The following NOX4 variants were observed in gnomAD, a reference collection of about 807,000 sequenced individuals.
NOX4 encodes kidney oxidase-1.
In NOX4, 69 loss-of-function variants were observed where a neutral mutation model predicts 87.6. The observed-to-expected ratio is 0.79, with a 90% confidence interval of 0.65 to 0.96. The LOEUF is 0.96. NOX4 is among the 40% of genes least tolerant of loss of function. The pLI, the probability that NOX4 is intolerant of heterozygous loss-of-function variation, is 0.00. For missense variants in NOX4, 680 were observed against 681.5 expected (o/e 1.00, Z 0.02); for synonymous variants, 275 against 238.2 (o/e 1.15, Z -1.42).
At chr11:89,377,254 A>G (rs1415217111) in intron 11 of NOX4, among the ~76,000 whole-genome samples, 1 of 152,208 alleles carries the variant, frequency 6.6e-6, no homozygotes, top group African/African-American at 2.4e-5. Flanking sequence ...CTTTGCTATG[A>G]TAATAATTTT....
In NOX4 at chr11:89,421,999, A is replaced by G; in HGVS notation, c.549-17T>C. On this transcript the variant is annotated splice_polypyrimidine_tract_variant and intron_variant, in intron 7 of 17. Coordinates refer to ENST00000263317, the MANE Select transcript of NOX4 (RefSeq NM_016931.5). ...TTAGAAACTCTGCAAAAACAAATACACTCATTTTAATGCTACTTTACATTC... is the reference window on the plus strand; with the variant it reads ...TTAGAAACTCTGCAAAAACAAATACGCTCATTTTAATGCTACTTTACATTC... 7.6e-7 allele frequency: 1 copy of G among 1,317,416 alleles called. No individual in the cohort carries two copies. The highest frequency in any genetic ancestry group is 2.5e-5 in the East Asian group (1 of 40,676). The allele number at this position is 1,317,416 out of a possible 1,614,324, so 81.6% of individuals were successfully genotyped here.
At chr11:89,572,304 T>C in the NOX4 span, among the ~76,000 whole-genome samples, 4 of 152,238 alleles carry the variant, frequency 2.6e-5, no homozygotes, top group Non-Finnish European at 5.9e-5. Flanking sequence ...AAATGATTTC[T>C]GTATATACAT....
At chr11:89,509,664 A>T in the NOX4 span, among the ~76,000 whole-genome samples, 1 of 152,094 alleles carries the variant, frequency 6.6e-6, no homozygotes, top group South Asian at 2.1e-4. Flanking sequence ...ATGAAAGAGT[A>T]TATCAGAGAA....
intron 13 of NOX4, among the ~76,000 whole-genome samples, 170 bp downstream of exon 13, chr11:89,354,792 G>A (rs1410769800): frequency 2.6e-5 from 4 of 152,166 alleles, no homozygotes; most frequent in African/African-American, 9.7e-5. Context: ...TGACCCAGCT[G>A]CAAGGAGCCT....
chr11:89,338,013 T>C (rs905824179), intron 15 of NOX4, among the ~76,000 whole-genome samples: 1 of 151,990 alleles, frequency 6.6e-6, no homozygotes, highest in East Asian at 1.9e-4. Flanking sequence ...GTTTCTCTTG[T>C]ACAAAAATGC....
chr11:89,380,598 C>A (rs987069676), intron 11 of NOX4, among the ~76,000 whole-genome samples: 1 of 151,998 alleles, frequency 6.6e-6, no homozygotes, highest in African/African-American at 2.4e-5. Flanking sequence ...AAATTAAGCT[C>A]AATATTCAAT....
intron 14 of NOX4, among the ~76,000 whole-genome samples, chr11:89,341,279 C>T (rs1429582917): frequency 5.3e-5 from 8 of 151,480 alleles, no homozygotes; most frequent in Admixed American, 1.3e-4. Context: ...TGCAAAACCA[C>T]GCCTGGTTGA....
intron 2 of NOX4, among the ~76,000 whole-genome samples, chr11:89,475,112 G>A (rs1946110922): frequency 6.6e-6 from 1 of 151,844 alleles, no homozygotes; most frequent in African/African-American, 2.4e-5. Context: ...AATCTAATGT[G>A]ATATTTATGC....
At chr11:89,354,631 C>G (rs1043784566) in intron 13 of NOX4, among the ~76,000 whole-genome samples, 3 of 151,940 alleles carry the variant, frequency 2.0e-5, no homozygotes, top group Non-Finnish European at 4.4e-5. Context: ...AAATAGAAAA[C>G]CAGATGAGGC....
At chr11:89,589,007 G>A in the NOX4 span, among the ~76,000 whole-genome samples, 2 of 152,070 alleles carry the variant, frequency 1.3e-5, no homozygotes, top group South Asian at 4.1e-4. Context: ...ATATGATTAA[G>A]AAATACATAT....
intron 2 of NOX4, among the ~76,000 whole-genome samples, chr11:89,468,514 G>A (rs2135435744): frequency 6.6e-6 from 1 of 152,210 alleles, no homozygotes; most frequent in Middle Eastern, 3.4e-3. Context: ...ATCTTTTATG[G>A]AAATTATGTC....
intron 11 of NOX4, among the ~76,000 whole-genome samples, chr11:89,374,761 T>C (rs1272936630): frequency 2.0e-5 from 3 of 152,054 alleles, no homozygotes; most frequent in South Asian, 2.1e-4. Context: ...ATTAGTAGAA[T>C]TGGTATGCCA....
At chr11:89,379,685 C>T (rs1357123781) in intron 11 of NOX4, among the ~76,000 whole-genome samples, 1 of 152,140 alleles carries the variant, frequency 6.6e-6, no homozygotes, top group Non-Finnish European at 1.5e-5. Flanking sequence ...TAATGAAATT[C>T]CAGTTGCTCG....
chr11:89,485,716 T>G (rs527984955), intron 2 of NOX4, among the ~76,000 whole-genome samples: 1 of 152,296 alleles, frequency 6.6e-6, no homozygotes, highest in South Asian at 2.1e-4. Flanking sequence ...GGATTTAATC[T>G]TAAGCAATCA....
At chr11:89,546,906 T>G in the NOX4 span, among the ~76,000 whole-genome samples, 1 of 152,316 alleles carries the variant, frequency 6.6e-6, no homozygotes, top group East Asian at 1.9e-4. Context: ...CATAATGAAT[T>G]GTTTCCAACA....
intron 2 of NOX4, among the ~76,000 whole-genome samples, chr11:89,482,867 C>T (rs1164602517): frequency 1.3e-5 from 2 of 152,020 alleles, no homozygotes; most frequent in African/African-American, 4.8e-5. Context: ...CCTTAGACAA[C>T]AGTAGAGAAT....
chr11:89,540,453 G>A, the NOX4 span, among the ~76,000 whole-genome samples: 1 of 149,830 alleles, frequency 6.7e-6, no homozygotes, highest in African/African-American at 2.5e-5. Context: ...TTGAACTCTT[G>A]CTGCCCCTTT....
At chr11:89,381,338 A>C (rs537623805) in intron 11 of NOX4, among the ~76,000 whole-genome samples, 8 of 152,256 alleles carry the variant, frequency 5.3e-5, no homozygotes, top group African/African-American at 7.2e-5. Flanking sequence ...GCACGTATAC[A>C]TCCAGATGGC....
intron 8 of NOX4, among the ~76,000 whole-genome samples, chr11:89,414,662 T>C: frequency 6.7e-6 from 1 of 149,958 alleles, no homozygotes; most frequent in South Asian, 2.1e-4. Context: ...CATTATATTA[T>C]AGAGTTATCA....
Sources: gnomAD v4.1 joint callset for allele counts (sites outside exome capture counted in the v4.1 genomes callset) on GRCh38, gnomAD v4.1.1 for gene constraint, MANE v1.5 for transcripts, NCBI Gene and HGNC (gene_info 2026-07-23, HGNC 2026-07-21) for gene names.